The following CACNA2D4 variants were observed in gnomAD, a reference collection of about 807,000 sequenced individuals.
CACNA2D4 encodes voltage-dependent calcium channel subunit alpha-2/delta-4.
In CACNA2D4, 157 loss-of-function variants were observed where a neutral mutation model predicts 163.8. The observed-to-expected ratio is 0.96, with a 90% CI of 0.84 to 1.09. The LOEUF (loss-of-function observed/expected upper bound fraction) is 1.09. Among genes scored for constraint, CACNA2D4 ranks in the 50% least tolerant of loss-of-function variants. The probability of loss-of-function intolerance (pLI) is 0.00; values close to 1 mark genes in which losing one functional copy is unlikely to be tolerated. For synonymous variants in CACNA2D4, 598 were observed against 586.9 expected (o/e 1.02, Z -0.27); for missense variants, 1,410 against 1,479.9 (o/e 0.95, Z 0.78).
chr12:1,810,347 G>A lies in CACNA2D4; in HGVS notation c.2659-7C>T. The A allele has an allele frequency of 6.2e-7, 1 of 1,613,516 alleles. No homozygotes were observed. The highest frequency in any genetic ancestry group is 8.5e-7 in the Non-Finnish European group (1 of 1,179,576). ...TGACGAAGCAGTCCAGATCCTGGGAGGAAACCCAGAAGGGAGGTTATGCCA... is the reference window on the plus strand; with the variant it reads ...TGACGAAGCAGTCCAGATCCTGGGAAGAAACCCAGAAGGGAGGTTATGCCA... On this transcript the variant is annotated splice_polypyrimidine_tract_variant and splice_region_variant and intron_variant, in intron 28 of 37. Transcript: ENST00000382722.
chr12:1,901,723 T>C (rs536201455), intron 6 of CACNA2D4, among the ~76,000 whole-genome samples: 1 of 152,218 alleles, frequency 6.6e-6, no homozygotes, highest in Admixed American at 6.5e-5. Flanking sequence ...AAGAAAAGGC[T>C]GGGACCTGAC....
At chr12:1,830,754 A>C (rs1864586085) in intron 26 of CACNA2D4, among the ~76,000 whole-genome samples, 1 of 152,252 alleles carries the variant, frequency 6.6e-6, no homozygotes, top group Non-Finnish European at 1.5e-5. Context: ...TTAATATGGA[A>C]GTGGCTTTGG....
chr12:1,901,566 T>C (rs1019634729), intron 6 of CACNA2D4, among the ~76,000 whole-genome samples: 2 of 152,036 alleles, frequency 1.3e-5, no homozygotes, highest in Non-Finnish European at 2.9e-5. Context: ...TGAGCAAATA[T>C]ATGCCAATAA....
rs1297816998 is a variant in CACNA2D4 at position 1,878,296 on chromosome 12, AAAG to A, written c.1719+16_1719+18del. 6.2e-7 allele frequency: 1 copy of A among 1,603,014 alleles called. No individual in the cohort carries two copies. Among genetic ancestry groups the A allele is most frequent in the East Asian group, 2.2e-5 (1 of 44,556 alleles). On this transcript the variant is annotated intron_variant, in intron 16 of 37. Transcript: ENST00000382722. This position sits in a 1 kb window ranked among gnomAD's most constrained non-coding sequence, Gnocchi z 4.6. ...TCCCATACAGTAAGGATCCCAAGGC[AAAG>A]AAGATCTGTACCTACCAGGGGCCGG...
At chr12:1,870,518 T>G (rs746694393) in intron 18 of CACNA2D4, among the ~76,000 whole-genome samples, 8 of 151,834 alleles carry the variant, frequency 5.3e-5, no homozygotes, top group Non-Finnish European at 1.2e-4. Context: ...GAGTGCCCTT[T>G]GGGAAAAAGA....
intron 26 of CACNA2D4, among the ~76,000 whole-genome samples, chr12:1,818,617 A>C (rs1285661572): frequency 1.3e-5 from 2 of 151,352 alleles, no homozygotes; most frequent in African/African-American, 4.9e-5. Flanking sequence ...TCAAGTACCC[A>C]GGGACACAAA....
At chr12:1,853,526 A>G (rs995739160) in intron 23 of CACNA2D4, among the ~76,000 whole-genome samples, 3 of 152,020 alleles carry the variant, frequency 2.0e-5, no homozygotes, top group African/African-American at 4.8e-5. Context: ...ATGGGCACAC[A>G]CATGCCCTAC....
chr12:1,866,097 G>C (rs1865646476), intron 18 of CACNA2D4, among the ~76,000 whole-genome samples: 1 of 152,182 alleles, frequency 6.6e-6, no homozygotes, highest in Non-Finnish European at 1.5e-5. Context: ...CTCAATTTTA[G>C]GGTGAGAGTG....
At chr12:1,809,261 G>A in intron 29 of CACNA2D4, 1 of 510,520 alleles carries the variant, frequency 2.0e-6, no homozygotes, top group Non-Finnish European at 3.4e-6. Context: ...CATGCGTGGA[G>A]GTGGCCTTGG....
At chr12:1,830,699 A>G (rs948173748) in intron 26 of CACNA2D4, among the ~76,000 whole-genome samples, 1 of 152,146 alleles carries the variant, frequency 6.6e-6, no homozygotes, top group African/African-American at 2.4e-5. Context: ...CCTCTGCCAG[A>G]TGTGTGGCAA....
chr12:1,830,939 C>T, intron 26 of CACNA2D4: 2 of 1,595,374 alleles, frequency 1.3e-6, no homozygotes, highest in South Asian at 1.1e-5. Context: ...ACCAAGGGAT[C>T]ACCTGCTGGA....
rs530752035 is a variant in CACNA2D4 at position 1,834,355 on chromosome 12, C to T, written c.2551+6384G>A. 6.2e-6 allele frequency: 10 copies of T among 1,613,156 alleles called. No homozygotes were observed. Among genetic ancestry groups the T allele is most frequent in the Middle Eastern group, 1.7e-4 (1 of 6,060 alleles). ...TGGTCCCCATGGAGATGTTCAACTA[C>T]TGCTCCCAGCTGGAGGACGAGAATA... On this transcript the variant is annotated intron_variant, in intron 26 of 37. Coordinates refer to ENST00000382722, the MANE Select transcript of CACNA2D4 (RefSeq NM_172364.5). The surrounding 1 kb of genome is among the most constrained non-coding windows in gnomAD (Gnocchi z 7.6).
intron 26 of CACNA2D4, among the ~76,000 whole-genome samples, chr12:1,825,966 G>A (rs1466327111): frequency 3.9e-5 from 6 of 152,214 alleles, no homozygotes; most frequent in Non-Finnish European, 8.8e-5. Flanking sequence ...GTCAGGGCTC[G>A]AGGGACAGAG....
chr12:1,871,556 T>C (rs538897853), intron 18 of CACNA2D4, among the ~76,000 whole-genome samples: 1 of 150,342 alleles, frequency 6.7e-6, no homozygotes, highest in Non-Finnish European at 1.5e-5. Context: ...TGTACACGTG[T>C]GTGCTGGTGT....
intron 6 of CACNA2D4, among the ~76,000 whole-genome samples, chr12:1,892,233 G>A (rs913313172): frequency 2.0e-5 from 3 of 152,190 alleles, no homozygotes; most frequent in Non-Finnish European, 4.4e-5. Context: ...AAACCTTTCA[G>A]ATCAGGAGAG....
rs1592686324 is a variant in CACNA2D4 at position 1,828,322 on chromosome 12, G to A, written c.2551+12417C>T. On this transcript the variant is annotated intron_variant, in intron 26 of 37. Coordinates refer to ENST00000382722, the MANE Select transcript of CACNA2D4 (RefSeq NM_172364.5). The surrounding 1 kb of genome is among the most constrained non-coding windows in gnomAD (Gnocchi z 4.2). ...TTAGCCACACTCAGGCTGCAGGGAG[G>A]CCTACGCCAGATCTTCCTGGGGTAC... The A allele has an allele frequency of 3.0e-6, 3 of 1,000,224 alleles. No individual in the cohort carries two copies. The highest frequency in any genetic ancestry group is 6.0e-5 in the East Asian group (2 of 33,416). The allele number at this position is 1,000,224 out of a possible 1,614,324, so 62.0% of individuals were successfully genotyped here. A position where few individuals can be genotyped will look rare whatever the true frequency, so the allele number is the denominator to read the frequency against.
chr12:1,826,345 G>C (rs921333906), intron 26 of CACNA2D4, among the ~76,000 whole-genome samples: 1 of 151,248 alleles, frequency 6.6e-6, no homozygotes, highest in Admixed American at 6.6e-5. Context: ...AGAAGCTGAG[G>C]CCCAGAGGCT....
At chr12:1,797,795 G>T in intron 34 of CACNA2D4, 2 of 549,814 alleles carry the variant, frequency 3.6e-6, no homozygotes. Context: ...CTTCCTCTGG[G>T]GAGCCTGGCC....
chr12:1,897,121 C>T (rs1003265496), intron 6 of CACNA2D4, among the ~76,000 whole-genome samples: 1 of 151,960 alleles, frequency 6.6e-6, no homozygotes, highest in African/African-American at 2.4e-5. Flanking sequence ...CTTGAGGCCA[C>T]GAGTTCAAGA....
Sources: gnomAD v4.1 joint callset for allele counts (sites outside exome capture counted in the v4.1 genomes callset) on GRCh38, gnomAD v4.1.1 for gene constraint, Gnocchi (gnomAD v3.1) non-coding constraint, MANE v1.5 for transcripts, NCBI Gene and HGNC (gene_info 2026-07-23, HGNC 2026-07-21) for gene names.